INPP5B: variants seen among roughly 807,000 people sequenced by gnomAD.
INPP5B encodes the protein inositol polyphosphate-5-phosphatase B, also known as type II inositol 1,4,5-trisphosphate 5-phosphatase.
INPP5B carries 90 observed loss-of-function variants against 118.5 expected under a neutral mutation model. The ratio of observed to expected loss-of-function variants is 0.76; its 90% CI spans 0.64 to 0.90. The LOEUF (loss-of-function observed/expected upper bound fraction) is 0.90. Among genes scored for constraint, INPP5B ranks in the 40% least tolerant of loss-of-function variants. INPP5B has a pLI of 0.00. For synonymous variants in INPP5B, 385 were observed against 418.9 expected, an observed-to-expected ratio of 0.92 and a Z score of 0.99; for missense variants, 984 against 1,125.6, an observed-to-expected ratio of 0.87 and a Z score of 1.80.
chr1:37,903,587 C>T lies in INPP5B; in HGVS notation c.533-12133G>A, dbSNP rs568463500. On this transcript the variant is annotated intron_variant, in intron 7 of 23. Coordinates refer to ENST00000373024, the MANE Select transcript of INPP5B (RefSeq NM_005540.3). ...TAAAAAATACAAAAAACTAGCCGGGCATGGTGGCGGGTGCCTGTAGTCCCA... is the reference window on the plus strand; with the variant it reads ...TAAAAAATACAAAAAACTAGCCGGGTATGGTGGCGGGTGCCTGTAGTCCCA... 2.2e-4 allele frequency among the ~76,000 whole-genome samples: 34 copies of T among 152,278 alleles called. 1 individual carries two copies. The highest frequency in any genetic ancestry group is 5.9e-4 in the Admixed American group (9 of 15,294).
Position 37,866,522 on chromosome 1 carries a change from C to T in INPP5B, c.2323G>A (p.Gly775Ser). Residue 775 changes from glycine to serine, a missense_variant, in exon 21 of 24, where the codon GGC (glycine) becomes AGC (serine). Physicochemically the swap from Gly to Ser is moderately conservative, Grantham distance 56 (BLOSUM62 0). Coordinates refer to ENST00000373024, the MANE Select transcript of INPP5B (RefSeq NM_005540.3). ...VQQEDLFQQP[G>S]LRSEFEHIRD... Reference sequence around the variant, plus strand: ...ATATGTTCAAATTCTGACCTCAGGCCTGGTTGCTGAAACAGATCTTCCTGC... The same window carrying T: ...ATATGTTCAAATTCTGACCTCAGGCTTGGTTGCTGAAACAGATCTTCCTGC... The T allele has an allele frequency of 6.2e-7, 1 of 1,609,124 alleles. No homozygotes were observed. Among genetic ancestry groups the T allele is most frequent in the Non-Finnish European group, 8.5e-7 (1 of 1,175,616 alleles).
At chr1:37,862,493 C>T (rs531448395) in intron 23 of INPP5B, 63 bp from the exon 24 acceptor site, 8 of 972,506 alleles carry the variant, frequency 8.2e-6, no homozygotes, top group African/African-American at 1.6e-5. Context: ...ACACACATCA[C>T]TTAACGACAG....
At chr1:37,876,552 TAAAAAAAAAAAAAAAAA>T (rs34854182) in intron 16 of INPP5B, among the ~76,000 whole-genome samples, 27 of 54,592 alleles carry the variant, frequency 4.9e-4, no homozygotes, top group Non-Finnish European at 6.6e-4. Context: ...GCTGTCTCTT[TAAAAAAAAAAAAAAAAA>T]AAAAAAAAAA....
chr1:37,870,176 C>T (rs1027420100), intron 19 of INPP5B, among the ~76,000 whole-genome samples: 1 of 151,004 alleles, frequency 6.6e-6, no homozygotes, highest in Non-Finnish European at 1.5e-5. Context: ...GACTGTCTTG[C>T]GCTATCGCTC....
At chr1:37,913,709 C>T (rs1475950049) in intron 7 of INPP5B, among the ~76,000 whole-genome samples, 1 of 152,146 alleles carries the variant, frequency 6.6e-6, no homozygotes, top group Non-Finnish European at 1.5e-5. Flanking sequence ...CTCTCCACAT[C>T]GCCCCTAAAA....
rs1174468922 is a variant in INPP5B, at chr1:37,882,882, T to C, written c.1356A>G (p.Ile452Met). The C allele has an allele frequency of 3.1e-6, 5 of 1,614,148 alleles. No individual in the cohort carries two copies. Among genetic ancestry groups the C allele is most frequent in the South Asian group, 1.1e-5 (1 of 91,080 alleles). ...ILWLGDLNYR[I>M]EELDVEKVKK... Reference sequence around the variant, plus strand: ...TCACTTTTTCCACATCCAGCTCTTCTATCCTGTAGTTGAGGTCCCCCAGCC... The same window carrying C: ...TCACTTTTTCCACATCCAGCTCTTCCATCCTGTAGTTGAGGTCCCCCAGCC... Residue 452 changes from isoleucine (I) to methionine (M), a missense_variant, in exon 14 of 24, where the codon ATA (isoleucine) becomes ATG (methionine). By Grantham distance (10) the Ile-to-Met change is conservative (BLOSUM62 1). Around this residue, in one of 2 missense-constraint regions of INPP5B, gnomAD observed 634 missense variants for 791.0 expected, o/e 0.80. Transcript: ENST00000373024.
chr1:37,943,692 G>A, intron 4 of INPP5B, 23 bp from the exon 5 acceptor site: 1 of 1,613,896 alleles, frequency 6.2e-7, no homozygotes, highest in Non-Finnish European at 8.5e-7. Flanking sequence ...AAATGAGAAT[G>A]CCCTTAGCAA....
At chr1:37,873,628 T>C (rs1642609018) in intron 18 of INPP5B, among the ~76,000 whole-genome samples, 1 of 152,190 alleles carries the variant, frequency 6.6e-6, no homozygotes, top group Admixed American at 6.5e-5. Flanking sequence ...GGATGGTACA[T>C]TCCAGAGCCA....
At chr1:37,937,605 A>G (rs1645744709) in intron 6 of INPP5B, among the ~76,000 whole-genome samples, 1 of 151,852 alleles carries the variant, frequency 6.6e-6, no homozygotes, top group Admixed American at 6.6e-5. Flanking sequence ...GTCTCTACCA[A>G]AAAATACAAA....
At chr1:37,917,283 C>A (rs1423835242) in intron 7 of INPP5B, among the ~76,000 whole-genome samples, 1 of 100,532 alleles carries the variant, frequency 9.9e-6, no homozygotes, top group Non-Finnish European at 2.0e-5. Context: ...AGCAAGACTC[C>A]GTCTCGGGGG....
Position 37,897,080 on chromosome 1 carries a change from C to T in INPP5B, c.533-5626G>A, listed in dbSNP as rs1036998211. On this transcript the variant is annotated intron_variant, in intron 7 of 23. Transcript: ENST00000373024. ...CTGGGAAGTGAGGAGCCCCTCTGCC[C>T]GGCCAGCCGCCCCGTCCAGGAGGGA... is the stretch of plus-strand genomic sequence containing the variant. 2.7e-4 allele frequency among the ~76,000 whole-genome samples: 41 copies of T among 149,992 alleles called. No homozygotes were observed. The East Asian group carries it at 7.5e-3, about 28-fold the overall frequency.
intron 6 of INPP5B, among the ~76,000 whole-genome samples, chr1:37,935,468 C>G (rs1645651440): frequency 6.6e-6 from 1 of 150,938 alleles, no homozygotes; most frequent in African/African-American, 2.4e-5. Context: ...GCTGGGATTA[C>G]AGGCGTGAGC....
At chr1:37,933,502 C>T (rs1197206362) in intron 6 of INPP5B, among the ~76,000 whole-genome samples, 5 of 151,400 alleles carry the variant, frequency 3.3e-5, no homozygotes, top group African/African-American at 9.7e-5. Context: ...GAGCTGAGAT[C>T]GCACCACAGC....
At chr1:37,885,397 G>C (rs183660748) in intron 13 of INPP5B, 1 of 378,790 alleles carries the variant, frequency 2.6e-6, no homozygotes, top group African/African-American at 2.0e-5. Flanking sequence ...CTAGGCGACA[G>C]AGCGCGACTC....
At chr1:37,911,411 T>C (rs1644694219) in intron 7 of INPP5B, among the ~76,000 whole-genome samples, 1 of 152,194 alleles carries the variant, frequency 6.6e-6, no homozygotes. Flanking sequence ...CTGATCCACC[T>C]GACATTCACT....
chr1:37,896,686 C>T (rs1317501826), intron 7 of INPP5B, among the ~76,000 whole-genome samples: 1 of 127,658 alleles, frequency 7.8e-6, no homozygotes, highest in Non-Finnish European at 1.7e-5. Context: ...AAGTGAGGAG[C>T]CCCTCTGCCC....
chr1:37,868,679 G>A (rs1642204349), intron 19 of INPP5B, 65 bp from the exon 20 acceptor site: 2 of 1,013,086 alleles, frequency 2.0e-6, no homozygotes, highest in Non-Finnish European at 3.1e-6. Context: ...TGCATGGCAT[G>A]GGGACAGCAA....
At chr1:37,923,098 C>A (rs1645111587) in intron 7 of INPP5B, among the ~76,000 whole-genome samples, 1 of 152,150 alleles carries the variant, frequency 6.6e-6, no homozygotes, top group South Asian at 2.1e-4. Context: ...GTTGTTGAGG[C>A]CACAAAGCAC....
At chr1:37,927,379 T>C (rs1175293169) in intron 7 of INPP5B, among the ~76,000 whole-genome samples, 2 of 151,884 alleles carry the variant, frequency 1.3e-5, no homozygotes, top group Non-Finnish European at 2.9e-5. Context: ...CTAAAGTCAG[T>C]GCAAGCTGGG....
Sources: gnomAD v4.1 joint callset for allele counts (sites outside exome capture counted in the v4.1 genomes callset) on GRCh38, gnomAD v4.1.1 for gene constraint, gnomAD v4.1.1 regional missense constraint, MANE v1.5 for transcripts, NCBI Gene and HGNC (gene_info 2026-07-23, HGNC 2026-07-21) for gene names.